Variants in FAM210A observed in about 807,000 individuals in gnomAD.
FAM210A encodes the protein mitochondrial inner membrane scaffold 1, also known as family with sequence similarity 210 member A.
A neutral mutation model predicts 25.3 loss-of-function variants in FAM210A; 13 were observed. The ratio of observed to expected loss-of-function variants is 0.51; its 90% confidence interval spans 0.33 to 0.82. The LOEUF (loss-of-function observed/expected upper bound fraction) is 0.82, where lower values mean the gene tolerates loss of function less well. Among genes scored for constraint, FAM210A ranks in the 40% least tolerant of loss-of-function variants. The pLI, the probability that FAM210A is intolerant of heterozygous loss-of-function variation, is 0.02. For synonymous variants in FAM210A, 125 were observed against 118.7 expected (o/e 1.05, Z -0.35); for missense variants, 319 against 323.2 (o/e 0.99, Z 0.10).
chr18:13,699,709 C>T (rs1221593433), intron 1 of FAM210A, among the ~76,000 whole-genome samples: 2 of 139,908 alleles, frequency 1.4e-5, no homozygotes, highest in Non-Finnish European at 3.2e-5. Context: ...TCTTAGCCTT[C>T]TCCTTATCAG....
At chr18:13,692,975 G>A (rs1294279572) in intron 1 of FAM210A, among the ~76,000 whole-genome samples, 2 of 152,166 alleles carry the variant, frequency 1.3e-5, no homozygotes, top group African/African-American at 4.8e-5. Context: ...TTTTTGGAAA[G>A]ATCAGCAAAA....
intron 1 of FAM210A, among the ~76,000 whole-genome samples, chr18:13,717,612 A>G (rs534427381): frequency 1.3e-5 from 2 of 152,342 alleles, no homozygotes; most frequent in South Asian, 2.1e-4. Context: ...AAGTCTGCCA[A>G]AAAAATAAAG....
rs1476769911 is a variant in FAM210A, at chr18:13,692,978, C to A, written c.-28-10873G>T. On this transcript the variant is annotated intron_variant, in intron 1 of 3. Coordinates refer to ENST00000651643, the MANE Select transcript of FAM210A (RefSeq NM_152352.4). ...CCAGGAGCTGGTTTTTTGGAAAGAT[C>A]AGCAAAATTGATAGACTGCTAGCAA... 4.6e-5 allele frequency among the ~76,000 whole-genome samples: 7 copies of A among 152,160 alleles called. No individual in the cohort carries two copies. The South Asian group carries it at 1.2e-3, about 27-fold the overall frequency.
At chr18:13,689,646 A>G (rs2043625896) in intron 1 of FAM210A, among the ~76,000 whole-genome samples, 1 of 152,226 alleles carries the variant, frequency 6.6e-6, no homozygotes, top group South Asian at 2.1e-4. Flanking sequence ...ATCATACTGC[A>G]ATTCCCAGCT....
intron 1 of FAM210A, among the ~76,000 whole-genome samples, chr18:13,696,994 T>G (rs752915616): frequency 1.3e-5 from 2 of 152,192 alleles, no homozygotes; most frequent in Non-Finnish European, 2.9e-5. Flanking sequence ...TTACTGTAAC[T>G]TTTCCCCATT....
chr18:13,702,950 T>C (rs1219221117), intron 1 of FAM210A, among the ~76,000 whole-genome samples: 2 of 152,100 alleles, frequency 1.3e-5, no homozygotes, highest in Non-Finnish European at 2.9e-5. Flanking sequence ...AAGGACTTTT[T>C]TAAAAAAAAG....
At chr18:13,671,298 C>CA (rs1017306109) in intron 3 of FAM210A, among the ~76,000 whole-genome samples, 1 of 151,860 alleles carries the variant, frequency 6.6e-6, no homozygotes, top group Non-Finnish European at 1.5e-5. Flanking sequence ...CAAAACAAAA[C>CA]AAAAAACAGT....
chr18:13,681,538 T>C (rs2043553460), intron 2 of FAM210A, 67 bp downstream of exon 2: 2 of 1,238,362 alleles, frequency 1.6e-6, no homozygotes, highest in Non-Finnish European at 2.3e-6. Flanking sequence ...AAGCTATCAT[T>C]AGTACAATTA....
At chr18:13,720,521 T>A (rs2043890394) in intron 1 of FAM210A, among the ~76,000 whole-genome samples, 1 of 152,124 alleles carries the variant, frequency 6.6e-6, no homozygotes, top group African/African-American at 2.4e-5. Flanking sequence ...CCCTAGAAAT[T>A]TCACAGGTGG....
intron 1 of FAM210A, among the ~76,000 whole-genome samples, chr18:13,696,140 T>C (rs1390741825): frequency 1.3e-5 from 2 of 152,214 alleles, no homozygotes; most frequent in South Asian, 2.1e-4. Context: ...ATTGTTAAGA[T>C]AGCAGTTTTT....
intron 1 of FAM210A, among the ~76,000 whole-genome samples, chr18:13,694,006 C>G (rs183745509): frequency 6.6e-6 from 1 of 152,308 alleles, no homozygotes; most frequent in Non-Finnish European, 1.5e-5. Flanking sequence ...CCAAAATCTC[C>G]TTAAACCTGA....
intron 1 of FAM210A, among the ~76,000 whole-genome samples, chr18:13,712,742 T>C (rs983278903): frequency 6.6e-6 from 1 of 152,112 alleles, no homozygotes; most frequent in African/African-American, 2.4e-5. Context: ...AAAATAAATT[T>C]CCACTGTTTA....
chr18:13,722,098 C>T (rs975176679), intron 1 of FAM210A, among the ~76,000 whole-genome samples: 1 of 152,052 alleles, frequency 6.6e-6, no homozygotes, highest in Non-Finnish European at 1.5e-5. Context: ...CTTCCATTCA[C>T]TTGACCTAGA....
intron 1 of FAM210A, among the ~76,000 whole-genome samples, chr18:13,698,555 T>C (rs1172983201): frequency 6.6e-6 from 1 of 152,060 alleles, no homozygotes; most frequent in African/African-American, 2.4e-5. Context: ...AAACTGCTTT[T>C]GTAAGCCCCC....
intron 2 of FAM210A, among the ~76,000 whole-genome samples, chr18:13,677,629 T>C (rs1226586967): frequency 6.6e-6 from 1 of 152,176 alleles, no homozygotes. Flanking sequence ...GCTTGTGGAC[T>C]TCATTTCTGC....
intron 1 of FAM210A, among the ~76,000 whole-genome samples, chr18:13,683,958 T>A (rs2043575761): frequency 6.6e-6 from 1 of 152,156 alleles, no homozygotes; most frequent in Non-Finnish European, 1.5e-5. Flanking sequence ...CTACAAAAAT[T>A]AATCCCCTGA....
chr18:13,698,351 C>CAAAAAAAAAAAAAAAAAAAA, intron 1 of FAM210A, among the ~76,000 whole-genome samples: 1 of 72,950 alleles, frequency 1.4e-5, no homozygotes, highest in Non-Finnish European at 2.6e-5. Flanking sequence ...GACTCCATCT[C>CAAAAAAAAAAAAAAAAAAAA]AAAAAAAAAA....
chr18:13,721,496 A>G (rs1051107475), intron 1 of FAM210A, among the ~76,000 whole-genome samples: 6 of 152,128 alleles, frequency 3.9e-5, no homozygotes, highest in African/African-American at 1.4e-4. Flanking sequence ...CCTTAAGTGC[A>G]CTCATCTCTG....
At chr18:13,674,102 C>A (rs1238283452) in intron 2 of FAM210A, among the ~76,000 whole-genome samples, 2 of 142,452 alleles carry the variant, frequency 1.4e-5, no homozygotes, top group Admixed American at 1.4e-4. Context: ...TTCTTTATTT[C>A]CAGTTTCCTG....
Sources: allele counts gnomAD v4.1 joint callset (sites outside exome capture counted in the v4.1 genomes callset), GRCh38; gene constraint gnomAD v4.1.1; transcripts MANE v1.5; gene names NCBI Gene and HGNC (gene_info 2026-07-23, HGNC 2026-07-21).